Variants in ZNF385C observed in about 807,000 individuals in gnomAD.
ZNF385C encodes zinc finger protein 385C.
In ZNF385C, 28 loss-of-function variants were observed where a neutral mutation model predicts 35.4. That is an observed-to-expected ratio of 0.79 (90% CI 0.59 to 1.08). The LOEUF is 1.08. Ranked by LOEUF, ZNF385C falls within the 50% of genes least tolerant of loss-of-function variation. ZNF385C has a pLI of 0.00. For missense variants in ZNF385C, 605 were observed against 595.6 expected (o/e 1.02, Z -0.16); for synonymous variants, 248 against 248.2 (o/e 1.00, Z 0.01).
At chr17:42,049,978 G>A (rs1418443939) in intron 2 of ZNF385C, among the ~76,000 whole-genome samples, 4 of 152,330 alleles carry the variant, frequency 2.6e-5, no homozygotes, top group Admixed American at 2.6e-4. Flanking sequence ...ATTGGACAGA[G>A]CTGCTATAAA....
chr17:42,044,453 C>G (rs1036457443), intron 2 of ZNF385C, among the ~76,000 whole-genome samples: 2 of 151,222 alleles, frequency 1.3e-5, no homozygotes, highest in Non-Finnish European at 1.5e-5. Context: ...CCCATCTCTA[C>G]TAAAGGTAAC....
At chr17:42,058,052 C>A (rs2053408035) in intron 2 of ZNF385C, among the ~76,000 whole-genome samples, 1 of 152,120 alleles carries the variant, frequency 6.6e-6, no homozygotes, top group Non-Finnish European at 1.5e-5. Flanking sequence ...TGGGTTCCTG[C>A]TGCTTCCTCC....
intron 1 of ZNF385C, among the ~76,000 whole-genome samples, chr17:42,066,290 C>T (rs910960851): frequency 6.6e-6 from 1 of 151,800 alleles, no homozygotes; most frequent in Non-Finnish European, 1.5e-5. Flanking sequence ...GATCTCTTGA[C>T]TTCGTGATCC....
At position 42,062,831 on chromosome 17, in the gene ZNF385C, A is replaced by C; in HGVS notation, c.226T>G (p.Leu76Val). Residue 76 changes from leucine (L) to valine (V), a missense_variant, in exon 2 of 9, where the codon TTG becomes GTG. Leu to Val is a conservative substitution (Grantham distance 32, BLOSUM62 1). Coordinates refer to ENST00000692273, the MANE Select transcript of ZNF385C (RefSeq NM_001392013.1). ...AHQRRLRQLS[L>V]GKSPSGPAGP... ...CCTGGCCCTGAGGGGCTCTTCCCCA[A>C]GCTGAGCTGCCGAAGCCGCCTCTGG... 1.6e-6 allele frequency: 1 copy of C among 614,098 alleles called. No individual in the cohort carries two copies. Among genetic ancestry groups the C allele is most frequent in the Non-Finnish European group, 2.9e-6 (1 of 344,034 alleles). The allele number at this position is 614,098 out of a possible 1,614,324, so 38.0% of individuals were successfully genotyped here.
At chr17:42,030,042 C>G (rs1011679789) in intron 5 of ZNF385C, among the ~76,000 whole-genome samples, 1 of 151,600 alleles carries the variant, frequency 6.6e-6, no homozygotes, top group Non-Finnish European at 1.5e-5. Context: ...AAAAAAAGAG[C>G]TTTTAAGAAT....
At chr17:42,070,747 G>A (rs1333814305) in intron 1 of ZNF385C, among the ~76,000 whole-genome samples, 1 of 152,178 alleles carries the variant, frequency 6.6e-6, no homozygotes, top group Non-Finnish European at 1.5e-5. Context: ...GTGGGATCCT[G>A]GCCCTCCCTA....
intron 2 of ZNF385C, among the ~76,000 whole-genome samples, chr17:42,056,128 T>C (rs2143802437): frequency 6.6e-6 from 1 of 152,348 alleles, no homozygotes; most frequent in African/African-American, 2.4e-5. Flanking sequence ...TCTCCCCTCT[T>C]GTGTCATGTT....
At chr17:42,076,578 C>T (rs1206421127) in intron 1 of ZNF385C, among the ~76,000 whole-genome samples, 1 of 151,874 alleles carries the variant, frequency 6.6e-6, no homozygotes, top group Non-Finnish European at 1.5e-5. Context: ...GCCAAGATCG[C>T]GCCACTGCAC....
In ZNF385C at chr17:42,028,087, CAGAG is replaced by C. The variant is rs782586235; in HGVS notation, c.1123_1126del (p.Leu375ValfsTer11). On this transcript the variant is annotated frameshift_variant, in exon 7 of 9. Transcript: ENST00000692273. LOFTEE classifies it high-confidence loss of function. ...GGTCTCTGAATTGACCTGGAGCTGA[CAGAG>C]AGCACAGTGGAAGGCAGGGCTGGGC... 2.6e-5 allele frequency: 42 copies of C among 1,613,708 alleles called. No individual in the cohort carries two copies. The highest frequency in any genetic ancestry group is 3.3e-5 in the Non-Finnish European group (39 of 1,179,928).
intron 1 of ZNF385C, among the ~76,000 whole-genome samples, chr17:42,080,311 G>T (rs1598203620): frequency 6.6e-6 from 1 of 152,296 alleles, no homozygotes; most frequent in Middle Eastern, 3.4e-3. Flanking sequence ...AAGGTGTTGG[G>T]AAGGAAAGGC....
intron 1 of ZNF385C, among the ~76,000 whole-genome samples, chr17:42,068,806 G>A (rs2143886364): frequency 6.6e-6 from 1 of 152,306 alleles, no homozygotes; most frequent in Non-Finnish European, 1.5e-5. Context: ...CTTACCCACT[G>A]CCCCATCCCA....
intron 4 of ZNF385C, among the ~76,000 whole-genome samples, chr17:42,033,300 G>A (rs1209698530): frequency 6.6e-6 from 1 of 152,236 alleles, no homozygotes; most frequent in Non-Finnish European, 1.5e-5. Context: ...GTAAGATGTA[G>A]TAGAAAGGGG....
chr17:42,037,261 A>C (rs996104323), intron 3 of ZNF385C, among the ~76,000 whole-genome samples: 3 of 152,176 alleles, frequency 2.0e-5, no homozygotes. Flanking sequence ...CCTTAATTAC[A>C]TAAAATTACC....
At chr17:42,028,450 A>G in intron 6 of ZNF385C, 1 of 598,298 alleles carries the variant, frequency 1.7e-6, no homozygotes, top group East Asian at 2.9e-5. Context: ...TTTCTGCACT[A>G]CAAATAGCTG....
intron 1 of ZNF385C, among the ~76,000 whole-genome samples, chr17:42,066,262 G>A (rs2053545029): frequency 6.6e-6 from 1 of 151,934 alleles, no homozygotes; most frequent in Non-Finnish European, 1.5e-5. Flanking sequence ...GTTTCACAAT[G>A]TTGGCCAGGA....
At chr17:42,094,669 G>A (rs2053899258) in intron 1 of ZNF385C, among the ~76,000 whole-genome samples, 2 of 152,004 alleles carry the variant, frequency 1.3e-5, no homozygotes. Context: ...GAAGCAGAAA[G>A]AGGCTCACGA....
chr17:42,037,407 A>G (rs1375536084), intron 3 of ZNF385C, among the ~76,000 whole-genome samples: 1 of 151,726 alleles, frequency 6.6e-6, no homozygotes, highest in Non-Finnish European at 1.5e-5. Context: ...ACACACACAC[A>G]CACACACACA....
chr17:42,045,139 G>A (rs1480506781), intron 2 of ZNF385C, among the ~76,000 whole-genome samples: 2 of 152,270 alleles, frequency 1.3e-5, no homozygotes, highest in South Asian at 2.1e-4. Context: ...CGATGGTCTC[G>A]ATCTCCTGAC....
At chr17:42,067,658 T>C (rs1349248168) in intron 1 of ZNF385C, among the ~76,000 whole-genome samples, 1 of 152,076 alleles carries the variant, frequency 6.6e-6, no homozygotes, top group Non-Finnish European at 1.5e-5. Flanking sequence ...CATTACTGCA[T>C]GGAGCCCCCC....
Sources: gnomAD v4.1 joint callset for allele counts (sites outside exome capture counted in the v4.1 genomes callset) on GRCh38, gnomAD v4.1.1 for gene constraint, MANE v1.5 for transcripts, NCBI Gene and HGNC (gene_info 2026-07-23, HGNC 2026-07-21) for gene names.